Variants in LPAR1 observed in about 807,000 individuals in gnomAD.
The protein encoded by LPAR1 is lysophosphatidic acid receptor 1.
A neutral mutation model predicts 23.8 loss-of-function variants in LPAR1; 5 were observed. The ratio of observed to expected loss-of-function variants is 0.21; its 90% CI spans 0.11 to 0.44. The LOEUF (loss-of-function observed/expected upper bound fraction) is 0.44. Among genes scored for constraint, LPAR1 ranks in the 20% least tolerant of loss-of-function variants. The pLI, the probability that LPAR1 is intolerant of heterozygous loss-of-function variation, is 0.99. For missense variants in LPAR1, 311 were observed against 482.8 expected (o/e 0.64, Z 3.33); for synonymous variants, 160 against 164.7 (o/e 0.97, Z 0.22).
intron 2 of LPAR1, among the ~76,000 whole-genome samples, chr9:111,011,869 T>C (rs2140629353): frequency 6.6e-6 from 1 of 152,320 alleles, no homozygotes. Context: ...AAAATGCTGC[T>C]ACCGTGAGAT....
rs543853507 is a variant in LPAR1, at chr9:111,015,473, A to G, written c.-182+20649T>C. On this transcript the variant is annotated intron_variant, in intron 2 of 5. Transcript: ENST00000683809. The stretch of plus-strand genomic sequence containing the variant: ...TCTCAGTACTATACGATCTCAACTT[A>G]TAGGTAGAATCTTAAAAAGTTGAAC... Among the ~76,000 whole-genome samples the G allele has an allele frequency of 1.6e-4, 24 of 152,308 alleles. No individual in the cohort carries two copies. In the South Asian group the frequency reaches 5.0e-3, roughly 32 times the overall value.
intron 5 of LPAR1, among the ~76,000 whole-genome samples, chr9:110,877,242 A>C (rs1369870420): frequency 1.3e-5 from 2 of 152,206 alleles, no homozygotes; most frequent in Non-Finnish European, 2.9e-5. Context: ...TCAGCAGGGA[A>C]ATGAAAATAA....
At chr9:110,927,348 T>C (rs1031134735) in intron 5 of LPAR1, among the ~76,000 whole-genome samples, 8 of 152,028 alleles carry the variant, frequency 5.3e-5, no homozygotes, top group African/African-American at 1.4e-4. Context: ...CATTATCCAA[T>C]ATGATCCTCA....
intron 5 of LPAR1, among the ~76,000 whole-genome samples, chr9:110,936,727 TG>T (rs2094731814): frequency 6.6e-6 from 1 of 152,190 alleles, no homozygotes. Flanking sequence ...AAGCCACACC[TG>T]GATTCATTTT....
intron 5 of LPAR1, among the ~76,000 whole-genome samples, chr9:110,940,001 T>C (rs1483600349): frequency 1.3e-5 from 2 of 152,236 alleles, no homozygotes; most frequent in African/African-American, 4.8e-5. Context: ...AAATGTGGCC[T>C]TGTGGCACAG....
chr9:110,905,215 T>C (rs561439780), intron 5 of LPAR1, among the ~76,000 whole-genome samples: 2 of 152,250 alleles, frequency 1.3e-5, no homozygotes, highest in Non-Finnish European at 2.9e-5. Flanking sequence ...CAGTTTACCA[T>C]GCTATCCTAT....
intron 4 of LPAR1, 40 bp from the exon 5 acceptor site, chr9:110,942,208 C>A: frequency 6.4e-7 from 1 of 1,556,224 alleles, no homozygotes; most frequent in East Asian, 2.2e-5. Context: ...AAAGAAGGCA[C>A]AGGTCCAAAT....
In LPAR1 at chr9:110,941,288, C is replaced by T. The variant is rs2095083481; in HGVS notation, c.793+133G>A. 1 of 793,096 alleles carries T rather than the reference C, an allele frequency of 1.3e-6. No homozygotes were observed. The highest frequency in any genetic ancestry group is 2.0e-6 in the Non-Finnish European group (1 of 494,864). 49.1% of individuals were successfully genotyped at this position (793,096 alleles called of 1,614,324 possible). A position where few individuals can be genotyped will look rare whatever the true frequency, so the allele number is the denominator to read the frequency against. On this transcript the variant is annotated intron_variant, in intron 5 of 5. Transcript: ENST00000683809. The surrounding 1 kb of genome is among the most constrained non-coding windows in gnomAD (Gnocchi z 6.1). ...AAGCTGACATTTAATATAAAGGTGC[C>T]TCATCCCCTTGTAATTCCTGGTGAA...
At chr9:111,027,397 A>G (rs1398444088) in intron 2 of LPAR1, among the ~76,000 whole-genome samples, 1 of 152,162 alleles carries the variant, frequency 6.6e-6, no homozygotes, top group African/African-American at 2.4e-5. Context: ...GCTACTCAGG[A>G]AGCTGAAGCA....
At chr9:110,986,684 G>A (rs1467967976) in intron 2 of LPAR1, among the ~76,000 whole-genome samples, 1 of 151,914 alleles carries the variant, frequency 6.6e-6, no homozygotes, top group East Asian at 1.9e-4. Context: ...CAATGGGGGT[G>A]GAAACAAAGT....
chr9:111,014,268 T>C (rs773448775), intron 2 of LPAR1, among the ~76,000 whole-genome samples: 1 of 152,042 alleles, frequency 6.6e-6, no homozygotes, highest in Non-Finnish European at 1.5e-5. Flanking sequence ...GGTAAAGCTG[T>C]CACTATTAAT....
chr9:111,036,681 G>A (rs988846533), intron 1 of LPAR1, among the ~76,000 whole-genome samples: 4 of 152,138 alleles, frequency 2.6e-5, no homozygotes, highest in Non-Finnish European at 4.4e-5. Context: ...TGTACCTTGC[G>A]GGCTCGGATG....
intron 2 of LPAR1, among the ~76,000 whole-genome samples, chr9:111,033,349 C>T (rs1484272842): frequency 1.3e-5 from 2 of 152,132 alleles, no homozygotes; most frequent in East Asian, 3.9e-4. Flanking sequence ...CACCATGCCA[C>T]CCCTCCTCCT....
At chr9:110,909,949 A>G (rs543912971) in intron 5 of LPAR1, among the ~76,000 whole-genome samples, 6 of 151,940 alleles carry the variant, frequency 3.9e-5, no homozygotes, top group South Asian at 4.2e-4. Context: ...GGGTTTCATC[A>G]TATTGCCCAG....
chr9:110,903,991 A>G (rs1364574925), intron 5 of LPAR1, among the ~76,000 whole-genome samples: 1 of 151,962 alleles, frequency 6.6e-6, no homozygotes, highest in Non-Finnish European at 1.5e-5. Context: ...CTGAAACCAT[A>G]TAGGCCAGAA....
intron 2 of LPAR1, among the ~76,000 whole-genome samples, chr9:111,019,702 G>A (rs1006902491): frequency 5.3e-5 from 8 of 151,818 alleles, no homozygotes; most frequent in African/African-American, 1.5e-4. Context: ...AAAATTAGCC[G>A]GGCTTGGTGG....
At chr9:110,910,085 T>C (rs2092189943) in intron 5 of LPAR1, among the ~76,000 whole-genome samples, 1 of 152,116 alleles carries the variant, frequency 6.6e-6, no homozygotes. Context: ...TTTCACAACA[T>C]AACTGACCAA....
At chr9:110,978,924 G>C (rs2096613579) in intron 2 of LPAR1, among the ~76,000 whole-genome samples, 1 of 152,164 alleles carries the variant, frequency 6.6e-6, no homozygotes, top group Non-Finnish European at 1.5e-5. Flanking sequence ...GGTGGTTGTG[G>C]GGAGAGGGAG....
At chr9:111,002,457 T>C (rs2097145218) in intron 2 of LPAR1, among the ~76,000 whole-genome samples, 1 of 152,180 alleles carries the variant, frequency 6.6e-6, no homozygotes, top group Non-Finnish European at 1.5e-5. Context: ...AACAAGCATT[T>C]AATTTTAACA....
Sources: gnomAD v4.1 joint callset for allele counts (sites outside exome capture counted in the v4.1 genomes callset) on GRCh38, gnomAD v4.1.1 for gene constraint, Gnocchi (gnomAD v3.1) non-coding constraint, MANE v1.5 for transcripts, NCBI Gene and HGNC (gene_info 2026-07-23, HGNC 2026-07-21) for gene names.